The following PLCE1 variants were observed in gnomAD, a reference collection of about 807,000 sequenced individuals.
The protein encoded by PLCE1 is 1-phosphatidylinositol 4,5-bisphosphate phosphodiesterase epsilon-1.
Under a neutral mutation model 242.8 loss-of-function variants are expected in PLCE1, and 119 were observed. That is an observed-to-expected ratio of 0.49 (90% confidence interval 0.42 to 0.57). PLCE1 has a LOEUF of 0.57. Among genes scored for constraint, PLCE1 ranks in the 20% least tolerant of loss-of-function variants. The probability of loss-of-function intolerance (pLI) is 0.00; values close to 1 mark genes in which losing one functional copy is unlikely to be tolerated. For missense variants in PLCE1, 2,441 were observed against 2,788.8 expected (o/e 0.88, Z 2.81); for synonymous variants, 945 against 1,017.4 (o/e 0.93, Z 1.35).
At chr10:94,147,998 G>T (rs1165068308) in intron 3 of PLCE1, among the ~76,000 whole-genome samples, 1 of 152,116 alleles carries the variant, frequency 6.6e-6, no homozygotes, top group African/African-American at 2.4e-5. Context: ...AAAAATTGGT[G>T]ATTAAGAATG....
At chr10:94,179,530 T>TTTTTTTTTTTTTTTTTTTTTTTTTGA (rs10636243) in intron 4 of PLCE1, among the ~76,000 whole-genome samples, 2 of 118,824 alleles carry the variant, frequency 1.7e-5, no homozygotes, top group Non-Finnish European at 3.4e-5. Context: ...TTTTTTTTTT[T>TTTTTTTTTTTTTTTTTTTTTTTTTGA]GACAGGGTCT....
intron 18 of PLCE1, among the ~76,000 whole-genome samples, chr10:94,271,921 T>G (rs2051758406): frequency 6.6e-6 from 1 of 152,042 alleles, no homozygotes; most frequent in Non-Finnish European, 1.5e-5. Context: ...TATTAAGGAT[T>G]TCAAAAGGGG....
chr10:94,143,828 C>G (rs772118440), intron 3 of PLCE1, among the ~76,000 whole-genome samples: 3 of 152,112 alleles, frequency 2.0e-5, no homozygotes, highest in Non-Finnish European at 4.4e-5. Flanking sequence ...TTCATTGTGA[C>G]AACAAACTTA....
rs201979772 is a variant in PLCE1, at chr10:94,069,637, CAAAT to C, written c.1206+37389_1206+37392del. ...AAAAACAAACAAACAAACAAACAAA[CAAAT>C]AAACAGACTAGAGATATGGAACAGA... On this transcript the variant is annotated intron_variant, in intron 2 of 32. Transcript: ENST00000371380. Among the ~76,000 whole-genome samples, 1,373 of 151,948 alleles carry C rather than the reference CAAAT, an allele frequency of 9.0e-3. 16 individuals are homozygous for C. The highest frequency in any genetic ancestry group is 0.031 in the African/African-American group (1,298 of 41,430).
intron 30 of PLCE1, among the ~76,000 whole-genome samples, chr10:94,322,999 A>C (rs2053876308): frequency 6.6e-6 from 1 of 152,166 alleles, no homozygotes; most frequent in Non-Finnish European, 1.5e-5. Context: ...TGGAAATATT[A>C]ATTCATTCCT....
chr10:94,324,257 G>A, intron 30 of PLCE1, 92 bp from the exon 31 acceptor site: 5 of 979,340 alleles, frequency 5.1e-6, no homozygotes, highest in East Asian at 2.4e-5. Flanking sequence ...CTCTAGTCTG[G>A]GCCATTTTTC....
At chr10:94,145,481 A>T (rs1004306782) in intron 3 of PLCE1, among the ~76,000 whole-genome samples, 4 of 152,158 alleles carry the variant, frequency 2.6e-5, no homozygotes, top group Non-Finnish European at 5.9e-5. Flanking sequence ...TTCCTTCTTC[A>T]TGGGCCAAAT....
At chr10:94,268,591 T>G (rs2051597629) in intron 16 of PLCE1, among the ~76,000 whole-genome samples, 1 of 152,220 alleles carries the variant, frequency 6.6e-6, no homozygotes, top group South Asian at 2.1e-4. Flanking sequence ...TCTACCCAGA[T>G]AGAGAGCACT....
intron 1 of PLCE1, among the ~76,000 whole-genome samples, chr10:94,026,272 C>T (rs1301218615): frequency 6.6e-6 from 1 of 152,120 alleles, no homozygotes; most frequent in Non-Finnish European, 1.5e-5. Flanking sequence ...AGATCGACTT[C>T]CTGGCCAGTC....
intron 3 of PLCE1, among the ~76,000 whole-genome samples, chr10:94,147,135 G>A (rs1415883855): frequency 6.6e-6 from 1 of 151,986 alleles, no homozygotes; most frequent in Middle Eastern, 3.4e-3. Context: ...AAGTTGAGGA[G>A]GCAGGGCCGG....
At chr10:94,118,539 A>T (rs961838761) in intron 2 of PLCE1, among the ~76,000 whole-genome samples, 2 of 152,152 alleles carry the variant, frequency 1.3e-5, no homozygotes, top group Non-Finnish European at 2.9e-5. Context: ...TGCTGTTCTC[A>T]TGATAGTGAA....
intron 2 of PLCE1, among the ~76,000 whole-genome samples, chr10:94,082,508 C>T (rs1343591755): frequency 6.6e-6 from 1 of 152,196 alleles, no homozygotes; most frequent in East Asian, 1.9e-4. Flanking sequence ...GCGCTTACAG[C>T]ATCTTCTCAG....
rs1354486300 is a variant in PLCE1, at chr10:94,258,917, A to T, written c.3672A>T (p.Ser1224=). The T allele has an allele frequency of 6.2e-7, 1 of 1,614,104 alleles. No individual in the cohort carries two copies. ...TTGAATTTGTTGAGCTGTTCAAATC[A>T]TTCAGGTACAGTCTTATGTTTCCTT... ...SFVEFVELFK[S]FSVRSRKDLK... is the part of the protein sequence containing the mutation. The change falls in exon 12 of 33, where the codon TCA becomes TCT. Residue 1224 remains serine (S), a synonymous_variant. Transcript: ENST00000371380.
chr10:94,058,824 G>A (rs1439364384), intron 2 of PLCE1, among the ~76,000 whole-genome samples: 2 of 152,068 alleles, frequency 1.3e-5, no homozygotes, highest in Non-Finnish European at 2.9e-5. Flanking sequence ...AAGGAAAAAA[G>A]TTCTCATAAA....
intron 2 of PLCE1, chr10:94,094,685 G>A (rs950546406): frequency 3.3e-5 from 5 of 152,162 alleles, no homozygotes; most frequent in African/African-American, 7.2e-5. Flanking sequence ...AGTGGTGGAC[G>A]CTCCTTTTGG....
intron 2 of PLCE1, among the ~76,000 whole-genome samples, chr10:94,037,540 G>C (rs2061687814): frequency 6.6e-6 from 1 of 152,182 alleles, no homozygotes; most frequent in African/African-American, 2.4e-5. Context: ...TGATTTGCCA[G>C]GCTGCCTCTT....
At chr10:94,163,010 G>A (rs2047668451) in intron 3 of PLCE1, among the ~76,000 whole-genome samples, 1 of 152,084 alleles carries the variant, frequency 6.6e-6, no homozygotes, top group African/African-American at 2.4e-5. Context: ...ATTGCACCGT[G>A]GTCTGAGAGA....
At chr10:94,219,968 T>G (rs1228030438) in intron 4 of PLCE1, among the ~76,000 whole-genome samples, 1 of 151,972 alleles carries the variant, frequency 6.6e-6, no homozygotes, top group Admixed American at 6.6e-5. Flanking sequence ...GTGTCTCTCC[T>G]AAGCAAAGAG....
chr10:94,011,607 G>C (rs545801544), intron 1 of PLCE1, among the ~76,000 whole-genome samples: 2 of 152,296 alleles, frequency 1.3e-5, no homozygotes, highest in South Asian at 2.1e-4. Context: ...TCTGTCCCCA[G>C]GTTCTGACCA....
Sources: allele counts gnomAD v4.1 joint callset (sites outside exome capture counted in the v4.1 genomes callset), GRCh38; gene constraint gnomAD v4.1.1; transcripts MANE v1.5; gene names NCBI Gene and HGNC (gene_info 2026-07-23, HGNC 2026-07-21).